FCGR3B: variants seen among roughly 807,000 people sequenced by gnomAD.
FCGR3B encodes Fc gamma receptor IIIb, also known as low affinity immunoglobulin gamma Fc region receptor III-B.
Under a neutral mutation model 26.7 loss-of-function variants are expected in FCGR3B, and 20 were observed. That is an observed-to-expected ratio of 0.75 (90% CI 0.53 to 1.09). FCGR3B has a LOEUF of 1.09. Among genes scored for constraint, FCGR3B ranks in the 50% least tolerant of loss-of-function variants. The probability of loss-of-function intolerance (pLI) is 0.00; values close to 1 mark genes in which losing one functional copy is unlikely to be tolerated. For missense variants in FCGR3B, 191 were observed against 279.7 expected (o/e 0.68, Z 2.26); for synonymous variants, 79 against 107.0 (o/e 0.74, Z 1.62).
In FCGR3B at chr1:161,624,248, A is replaced by T. The variant is rs1679346469; in HGVS notation, c.*267T>A. 3 of 429,344 alleles carry T rather than the reference A, an allele frequency of 7.0e-6. No homozygotes were observed. In the South Asian group the frequency reaches 1.3e-4, roughly 18 times the overall value. The allele number at this position is 429,344 out of a possible 1,614,324, so 26.6% of individuals were successfully genotyped here. On this transcript the variant is annotated 3_prime_UTR_variant, in exon 5 of 5. Transcript: ENST00000650385. ...TCAATTTCTAGGAATGCAGCTACTC[A>T]CTGGGGCTTCCCTGCTTGAAGATCA...
chr1:161,626,161 G>A lies in FCGR3B; in HGVS notation c.561C>T (p.Asn187=), dbSNP rs576621422. 1 of 1,609,476 alleles carries A rather than the reference G, an allele frequency of 6.2e-7. No homozygotes were observed. Among genetic ancestry groups the A allele is most frequent in the South Asian group, 1.1e-5 (1 of 90,608 alleles). ...GSKNVSSETV[N]ITITQGLAVS... is the part of the protein sequence containing the mutation. ...ATGTCTCACCTTGAGTGATGGTGAT[G>A]TTCACAGTCTCTGAAGACACATTTT... Residue 187 remains asparagine (N), a synonymous_variant, in exon 4 of 5, where the codon AAC becomes AAT. Coordinates refer to ENST00000650385, the MANE Select transcript of FCGR3B (RefSeq NM_001244753.2).
intron 4 of FCGR3B, among the ~76,000 whole-genome samples, chr1:161,625,055 TA>T (rs1679393371): frequency 6.9e-6 from 1 of 145,338 alleles, no homozygotes; most frequent in Non-Finnish European, 1.5e-5. Flanking sequence ...CAGAATAGTA[TA>T]AAGAAATCTC....
chr1:161,631,273 C>G, upstream of FCGR3B: 1 of 1,443,564 alleles, frequency 6.9e-7, no homozygotes, highest in Non-Finnish European at 9.4e-7. Flanking sequence ...CGCAATGGAG[C>G]CCCACCATAG....
At position 161,628,081 on chromosome 1, in the gene FCGR3B, G is replaced by A. The variant is rs1363295647; in HGVS notation, c.320-1679C>T. Among the ~76,000 whole-genome samples the A allele has an allele frequency of 9.3e-5, 14 of 149,882 alleles. No individual in the cohort carries two copies. In the South Asian group the frequency reaches 2.8e-3, roughly 30 times the overall value. On this transcript the variant is annotated intron_variant, in intron 3 of 4. Transcript: ENST00000650385. Reference sequence around the variant, plus strand: ...GAGGTCAGGAGATCAAGACCATCCTGGCTAATGCCGTGAAACCCTGTCTCT... The same window carrying A: ...GAGGTCAGGAGATCAAGACCATCCTAGCTAATGCCGTGAAACCCTGTCTCT...
intron 3 of FCGR3B, among the ~76,000 whole-genome samples, chr1:161,626,786 A>T (rs1679484089): frequency 6.7e-6 from 1 of 150,318 alleles, no homozygotes; most frequent in Non-Finnish European, 1.5e-5. Context: ...TGCATTTGAA[A>T]ATGATGAGTT....
At chr1:161,625,156 C>A (rs1409592192) in intron 4 of FCGR3B, among the ~76,000 whole-genome samples, 1 of 131,162 alleles carries the variant, frequency 7.6e-6, no homozygotes. Context: ...GGAGTATTTA[C>A]TTTCAGTTTA....
chr1:161,629,442 A>T (rs149396281), intron 3 of FCGR3B, among the ~76,000 whole-genome samples: 791 of 62,724 alleles, frequency 0.013, 54 homozygotes, highest in African/African-American at 0.045. Flanking sequence ...AAATAAAATT[A>T]AAAAAAATGA....
intron 2 of FCGR3B, 148 bp from the exon 3 acceptor site, chr1:161,630,183 C>T (rs1298524967): frequency 1.1e-6 from 1 of 930,748 alleles, no homozygotes; most frequent in African/African-American, 2.1e-5. Context: ...CATTTTTGGC[C>T]TGTTCAGTAT....
chr1:161,624,386 T>G lies in FCGR3B; in HGVS notation c.*129A>C. ...TAGAGAGGCCTGAGGATGATGGGGT[T>G]GCAAATCCAGAGAAATGTTCAGAGA... On this transcript the variant is annotated 3_prime_UTR_variant, in exon 5 of 5. Transcript: ENST00000650385. The G allele has an allele frequency of 8.8e-7, 1 of 1,136,624 alleles. No individual in the cohort carries two copies. 70.4% of individuals were successfully genotyped at this position (1,136,624 alleles called of 1,614,324 possible).
chr1:161,626,239 T>C lies in FCGR3B; in HGVS notation c.483A>G (p.Lys161=). Residue 161 remains lysine (K), a synonymous_variant, in exon 4 of 5, where the codon AAA becomes AAG. Coordinates refer to ENST00000650385, the MANE Select transcript of FCGR3B (RefSeq NM_001244753.2). ...FHHNSDFHIP[K]ATLKDSGSYF... is the part of the protein sequence containing the mutation. ...AGGAGCCGCTATCTTTGAGTGTGGCTTTTGGAATGTGGAAGTCAGAATTAT... is the reference window on the plus strand; with the variant it reads ...AGGAGCCGCTATCTTTGAGTGTGGCCTTTGGAATGTGGAAGTCAGAATTAT... 1 of 1,608,634 alleles carries C rather than the reference T, an allele frequency of 6.2e-7. No individual in the cohort carries two copies. Among genetic ancestry groups the C allele is most frequent in the Non-Finnish European group, 8.5e-7 (1 of 1,177,642 alleles).
At chr1:161,631,345 C>T (rs555488959), upstream of FCGR3B, 579 of 764,562 alleles carry the variant, frequency 7.6e-4, 23 homozygotes, top group South Asian at 2.5e-3. Context: ...CTTTACTCTC[C>T]CAAAGGTCTG....
At chr1:161,630,656 G>C (rs1570988206) in intron 1 of FCGR3B, 3 of 563,884 alleles carry the variant, frequency 5.3e-6, no homozygotes, top group East Asian at 3.0e-5. Flanking sequence ...TAAGGGTACA[G>C]GTTGAATTTC....
Position 161,627,167 on chromosome 1 carries a change from AT to A in FCGR3B, c.320-766del, listed in dbSNP as rs1174860722. Among the ~76,000 whole-genome samples the A allele has an allele frequency of 5.3e-5, 8 of 150,504 alleles. 1 individual carries two copies. Among genetic ancestry groups the A allele is most frequent in the African/African-American group, 1.7e-4 (7 of 40,556 alleles). ...GGAAATGGCCTGAATAATTAAAAAA[AT>A]AATGATGTTATAGGTAAGTATTATA... On this transcript the variant is annotated intron_variant, in intron 3 of 4. Transcript: ENST00000650385.
rs1679332693 is a variant in FCGR3B at position 161,624,037 on chromosome 1, T to C, written c.*478A>G. On this transcript the variant is annotated 3_prime_UTR_variant, in exon 5 of 5. Coordinates refer to ENST00000650385, the MANE Select transcript of FCGR3B (RefSeq NM_001244753.2). Reference sequence around the variant, plus strand: ...TTCCCACACTCTGTAGGGTCCTGCCTCAACCATTAATTCTACTTATCCATT... The same window carrying C: ...TTCCCACACTCTGTAGGGTCCTGCCCCAACCATTAATTCTACTTATCCATT... The C allele has an allele frequency of 6.2e-6, 1 of 160,932 alleles. No homozygotes were observed. The highest frequency in any genetic ancestry group is 1.4e-5 in the Non-Finnish European group (1 of 73,406). 10.0% of individuals were successfully genotyped at this position (160,932 alleles called of 1,614,324 possible).
chr1:161,624,049 T>C lies in FCGR3B; in HGVS notation c.*466A>G, dbSNP rs1679333850. On this transcript the variant is annotated 3_prime_UTR_variant, in exon 5 of 5. Coordinates refer to ENST00000650385, the MANE Select transcript of FCGR3B (RefSeq NM_001244753.2). ...GTAGGGTCCTGCCTCAACCATTAAT[T>C]CTACTTATCCATTTGTTTAGGAATA... The C allele has an allele frequency of 6.3e-6, 1 of 158,954 alleles. No individual in the cohort carries two copies. Among genetic ancestry groups the C allele is most frequent in the Admixed American group, 6.0e-5 (1 of 16,652 alleles). 9.8% of individuals were successfully genotyped at this position (158,954 alleles called of 1,614,324 possible).
rs1484935228 is a variant in FCGR3B at position 161,624,797 on chromosome 1, T to C, written c.578-158A>G. ...TGGGGGAAAGTATTGCTTCCTCCCA[T>C]TGGTTCCTGATCTTAGTGCTATCTG... On this transcript the variant is annotated intron_variant, in intron 4 of 4. Transcript: ENST00000650385. Among the ~76,000 whole-genome samples the C allele has an allele frequency of 4.0e-5, 6 of 148,374 alleles. 1 individual carries two copies. The highest frequency in any genetic ancestry group is 1.5e-4 in the African/African-American group (6 of 39,754).
chr1:161,624,550 T>C lies in FCGR3B; in HGVS notation c.667A>G (p.Thr223Ala), dbSNP rs574639231. 1.2e-5 allele frequency: 20 copies of C among 1,606,966 alleles called. 3 individuals are homozygous for C. The highest frequency in any genetic ancestry group is 2.2e-5 in the South Asian group (2 of 90,388). Residue 223 changes from threonine (T) to alanine (A), a missense_variant, in exon 5 of 5, where the codon ACA becomes GCA. Around this residue, in one of 2 missense-constraint regions of FCGR3B, gnomAD observed 103 missense variants for 114.5 expected, o/e 0.90. Coordinates refer to ENST00000650385, the MANE Select transcript of FCGR3B (RefSeq NM_001244753.2). Reference protein sequence around the residue: ...LVMVLLFAVDTGLYFSVKTNI With the variant: ...LVMVLLFAVDAGLYFSVKTNI ...GTCTTCACAGAGAAATATAGTCCTGTGTCCACTGCAAAAAGGAGTACCATC... is the reference window on the plus strand; with the variant it reads ...GTCTTCACAGAGAAATATAGTCCTGCGTCCACTGCAAAAAGGAGTACCATC...
At chr1:161,625,597 A>G (rs866947680) in intron 4 of FCGR3B, among the ~76,000 whole-genome samples, 38 of 141,576 alleles carry the variant, frequency 2.7e-4, no homozygotes, top group Admixed American at 3.6e-4. Context: ...ATTGTTTAGC[A>G]CAGAGTCTAG....
intron 4 of FCGR3B, among the ~76,000 whole-genome samples, chr1:161,625,072 T>C (rs1276435428): frequency 6.9e-6 from 1 of 144,676 alleles, no homozygotes; most frequent in African/African-American, 2.5e-5. Flanking sequence ...ATCTCGTATA[T>C]CCTTTACCCA....
Sources: allele counts gnomAD v4.1 joint callset (sites outside exome capture counted in the v4.1 genomes callset), GRCh38; gene constraint gnomAD v4.1.1; regional missense constraint gnomAD v4.1.1; transcripts MANE v1.5; gene names NCBI Gene and HGNC (gene_info 2026-07-23, HGNC 2026-07-21).